The following CLECL1 variants were observed in gnomAD, a reference collection of about 807,000 sequenced individuals.
CLECL1 encodes C-type lectin like 1, also known as C-type lectin-like domain family 1.
At chr12:9,715,559 C>G (rs146860380), downstream of CLECL1, among the ~76,000 whole-genome samples, 262 of 152,278 alleles carry the variant, frequency 1.7e-3, 1 homozygote, top group African/African-American at 5.5e-3. Context: ...CTTGTCCTAC[C>G]TCAGTGACCT....
chr12:9,708,508 G>A, the CLECL1 span, among the ~76,000 whole-genome samples: 1 of 152,244 alleles, frequency 6.6e-6, no homozygotes, highest in South Asian at 2.1e-4. Context: ...CCAGGTCTGA[G>A]GGATCCAAAG....
At chr12:9,703,621 T>C in the CLECL1 span, among the ~76,000 whole-genome samples, 1 of 152,072 alleles carries the variant, frequency 6.6e-6, no homozygotes, top group Non-Finnish European at 1.5e-5. Context: ...TCTCAAAATT[T>C]TGGGGTCAAA....
chr12:9,703,217 T>A, the CLECL1 span, among the ~76,000 whole-genome samples: 1 of 152,228 alleles, frequency 6.6e-6, no homozygotes. Context: ...ACAATATCTA[T>A]GAATGGACAA....
At chr12:9,720,289 T>C (rs1368313172), downstream of CLECL1, among the ~76,000 whole-genome samples, 2 of 151,616 alleles carry the variant, frequency 1.3e-5, no homozygotes, top group Admixed American at 1.3e-4. Flanking sequence ...GTTTATTGTG[T>C]AGATAGCAGA....
downstream of CLECL1, among the ~76,000 whole-genome samples, chr12:9,715,343 ATTACT>A (rs1163742363): frequency 4.6e-5 from 7 of 152,094 alleles, no homozygotes; most frequent in Non-Finnish European, 8.8e-5. Context: ...TGTTCTAGCT[ATTACT>A]TTACTTGCGT....
At chr12:9,710,952 A>ATCT (rs1866194807), downstream of CLECL1, among the ~76,000 whole-genome samples, 1 of 152,204 alleles carries the variant, frequency 6.6e-6, no homozygotes, top group African/African-American at 2.4e-5. Context: ...CAGTACACCA[A>ATCT]GGCAAGAACC....
upstream of CLECL1, chr12:9,733,336 A>G (rs1256768825): frequency 4.3e-5 from 44 of 1,020,860 alleles, no homozygotes; most frequent in Admixed American, 7.1e-4. Flanking sequence ...TTAATACCAC[A>G]GAAGATATCT....
At chr12:9,728,710 A>T (rs2401396) in intron 2 of CLECL1, among the ~76,000 whole-genome samples, 136,802 of 151,870 alleles carry the variant, frequency 0.9, 61,659 homozygotes, top group East Asian at 0.97. Flanking sequence ...GCTAATTATT[A>T]TTGCTCCCCC....
the CLECL1 span, among the ~76,000 whole-genome samples, chr12:9,707,477 G>T: frequency 6.6e-6 from 1 of 151,924 alleles, no homozygotes; most frequent in Non-Finnish European, 1.5e-5. Flanking sequence ...GATATGCAGT[G>T]GGGGAAGGGA....
At chr12:9,721,750 G>C (rs1866315495), downstream of CLECL1, among the ~76,000 whole-genome samples, 1 of 152,096 alleles carries the variant, frequency 6.6e-6, no homozygotes, top group South Asian at 2.1e-4. Flanking sequence ...ATTAAAATTT[G>C]CTCTAGAAGA....
At chr12:9,720,359 G>A (rs904451374), downstream of CLECL1, among the ~76,000 whole-genome samples, 1 of 114,226 alleles carries the variant, frequency 8.8e-6, no homozygotes, top group African/African-American at 3.4e-5. Context: ...TTTTTTTTTT[G>A]AGATGGAGTT....
chr12:9,722,383 A>G (rs759431036), downstream of CLECL1: 29 of 468,946 alleles, frequency 6.2e-5, no homozygotes, highest in Non-Finnish European at 8.6e-5. Flanking sequence ...TAAGTTTTAA[A>G]ATGAAATCTG....
the CLECL1 span, among the ~76,000 whole-genome samples, chr12:9,708,688 G>T: frequency 2.0e-5 from 3 of 152,144 alleles, 1 homozygote; most frequent in Admixed American, 2.0e-4. Context: ...CTATTCTCCG[G>T]ATTTTCTCTA....
At chr12:9,725,675 GA>G (rs1239152582) in intron 3 of CLECL1, among the ~76,000 whole-genome samples, 2 of 152,066 alleles carry the variant, frequency 1.3e-5, no homozygotes, top group African/African-American at 4.8e-5. Context: ...GGCATGCAAA[GA>G]AACAACTTTA....
At chr12:9,703,379 T>TTTAC in the CLECL1 span, among the ~76,000 whole-genome samples, 1 of 62,050 alleles carries the variant, frequency 1.6e-5, no homozygotes, top group African/African-American at 3.4e-5. Context: ...TGCTAGGTTA[T>TTTAC]TTATTTATTT....
upstream of CLECL1, among the ~76,000 whole-genome samples, chr12:9,733,456 C>T (rs1454361794): frequency 6.6e-6 from 1 of 152,070 alleles, no homozygotes; most frequent in African/African-American, 2.4e-5. Flanking sequence ...ATTTGGGAAA[C>T]AGAACAAGAA....
At chr12:9,713,435 T>A (rs536323897), downstream of CLECL1, among the ~76,000 whole-genome samples, 4 of 152,226 alleles carry the variant, frequency 2.6e-5, no homozygotes, top group African/African-American at 9.6e-5. Context: ...AACAATGCAA[T>A]CTACAAATGA....
chr12:9,718,843 GC>G, downstream of CLECL1: 2 of 654,636 alleles, frequency 3.1e-6, no homozygotes, highest in Non-Finnish European at 5.5e-6. Context: ...GGACTTCTAG[GC>G]TTTAGCTGTG....
chr12:9,712,860 C>CT (rs929269629), downstream of CLECL1, among the ~76,000 whole-genome samples: 10 of 152,000 alleles, frequency 6.6e-5, no homozygotes, highest in Admixed American at 6.6e-4. Context: ...AATCAGAAGA[C>CT]TAAAAAGGAC....
Sources: allele counts gnomAD v4.1 joint callset (sites outside exome capture counted in the v4.1 genomes callset), GRCh38; gene constraint gnomAD v4.1.1; transcripts MANE v1.5; gene names NCBI Gene and HGNC (gene_info 2026-07-23, HGNC 2026-07-21).